The following PLCL1 variants were observed in gnomAD, a reference collection of about 807,000 sequenced individuals.
PLCL1 encodes phospholipase C like 1 (inactive), also known as inactive phospholipase C-like protein 1.
In PLCL1, 41 loss-of-function variants were observed where a neutral mutation model predicts 84.4. The ratio of observed to expected loss-of-function variants is 0.49; its 90% CI spans 0.38 to 0.63. PLCL1 has a LOEUF of 0.63. PLCL1 is among the 30% of genes least tolerant of loss of function. PLCL1 has a pLI of 0.00. For missense variants in PLCL1, 1,206 were observed against 1,367.8 expected (o/e 0.88, Z 1.87); for synonymous variants, 490 against 488.3 (o/e 1.00, Z -0.05).
At chr2:197,959,107 C>T (rs748935666) in intron 1 of PLCL1, among the ~76,000 whole-genome samples, 7 of 151,948 alleles carry the variant, frequency 4.6e-5, no homozygotes, top group Non-Finnish European at 7.4e-5. Flanking sequence ...TGACTTCAGC[C>T]AAATCACTTG....
intron 1 of PLCL1, among the ~76,000 whole-genome samples, chr2:197,974,720 G>A (rs1293143750): frequency 6.6e-6 from 1 of 152,232 alleles, no homozygotes; most frequent in Non-Finnish European, 1.5e-5. Flanking sequence ...GCTTTATTCT[G>A]TAATGGTATT....
At position 198,084,272 on chromosome 2, in the gene PLCL1, A is replaced by T. The variant is rs1352085192; in HGVS notation, c.755A>T (p.Asp252Val). 1 of 1,614,050 alleles carries T rather than the reference A, an allele frequency of 6.2e-7. No homozygotes were observed. The highest frequency in any genetic ancestry group is 8.5e-7 in the Non-Finnish European group (1 of 1,180,006). ...TTGAAAACAGTGTTTGAAGCAGCAG[A>T]TGTTGATGGGAATGGGATTATGTTG... ...MWLKTVFEAA[D>V]VDGNGIMLED... Residue 252 changes from aspartate to valine, a missense_variant, in exon 2 of 6, where the codon GAT (aspartate) becomes GTT (valine). Coordinates refer to ENST00000428675, the MANE Select transcript of PLCL1 (RefSeq NM_006226.4).
intron 5 of PLCL1, among the ~76,000 whole-genome samples, chr2:198,106,662 T>C (rs115874646): frequency 0.01 from 1,592 of 152,020 alleles, 23 homozygotes; most frequent in African/African-American, 0.036. Flanking sequence ...CCAAGACTAG[T>C]CTATAAGGAG....
chr2:197,814,770 C>T (rs1690655223), intron 1 of PLCL1, among the ~76,000 whole-genome samples: 1 of 152,124 alleles, frequency 6.6e-6, no homozygotes, highest in Admixed American at 6.6e-5. Context: ...AAAGCAAAAA[C>T]AGCCTTGTTG....
At chr2:197,908,875 T>C (rs1382885777) in intron 1 of PLCL1, among the ~76,000 whole-genome samples, 1 of 152,224 alleles carries the variant, frequency 6.6e-6, no homozygotes, top group Non-Finnish European at 1.5e-5. Context: ...TTTTGTTGAA[T>C]AAAATATTCT....
rs141025152 is a variant in PLCL1, at chr2:197,914,415, T to C, written c.240+109076T>C. 6.0e-3 allele frequency among the ~76,000 whole-genome samples: 915 copies of C among 152,040 alleles called. 7 individuals carry two copies. Among genetic ancestry groups the C allele is most frequent in the African/African-American group, 0.021 (857 of 41,434 alleles). ...CACAATCTCGGCTCACCTCAACCTC[T>C]GCCTCTTGGGTTCAAGTGATTCTCC... On this transcript the variant is annotated intron_variant, in intron 1 of 5. Coordinates refer to ENST00000428675, the MANE Select transcript of PLCL1 (RefSeq NM_006226.4).
intron 1 of PLCL1, among the ~76,000 whole-genome samples, chr2:197,901,252 T>G (rs1417238097): frequency 6.6e-6 from 1 of 152,200 alleles, no homozygotes; most frequent in East Asian, 1.9e-4. Flanking sequence ...GAGTGCTTAT[T>G]TTGTGTAAGA....
At chr2:197,938,176 A>C (rs1689085956) in intron 1 of PLCL1, among the ~76,000 whole-genome samples, 1 of 152,126 alleles carries the variant, frequency 6.6e-6, no homozygotes, top group Admixed American at 6.5e-5. Context: ...GGACCTTGGG[A>C]GCCATCTTTG....
At chr2:198,021,433 G>A (rs779748397) in intron 1 of PLCL1, among the ~76,000 whole-genome samples, 1 of 151,850 alleles carries the variant, frequency 6.6e-6, no homozygotes, top group Non-Finnish European at 1.5e-5. Context: ...CACAAAAAAC[G>A]CTTCAAAAAA....
intron 1 of PLCL1, among the ~76,000 whole-genome samples, chr2:197,916,033 C>T (rs1373691202): frequency 6.6e-6 from 1 of 152,194 alleles, no homozygotes; most frequent in African/African-American, 2.4e-5. Flanking sequence ...AGTGCTGCAA[C>T]TTGGAGATGT....
chr2:198,044,860 CTT>C (rs1332626542), intron 1 of PLCL1, among the ~76,000 whole-genome samples: 1 of 152,108 alleles, frequency 6.6e-6, no homozygotes, highest in Non-Finnish European at 1.5e-5. Context: ...GGTCAATTGA[CTT>C]TTAATTCTGG....
chr2:197,887,215 A>G (rs1201951528), intron 1 of PLCL1, among the ~76,000 whole-genome samples: 1 of 152,112 alleles, frequency 6.6e-6, no homozygotes, highest in Non-Finnish European at 1.5e-5. Flanking sequence ...AAACTACAAT[A>G]TATTCTGCTT....
At chr2:198,094,262 C>T (rs898752074) in intron 3 of PLCL1, among the ~76,000 whole-genome samples, 4 of 152,088 alleles carry the variant, frequency 2.6e-5, no homozygotes, top group Non-Finnish European at 5.9e-5. Flanking sequence ...AGGGTTTCAC[C>T]ATGTTAGCCA....
chr2:197,856,512 C>T (rs191845380), intron 1 of PLCL1, among the ~76,000 whole-genome samples: 9 of 152,126 alleles, frequency 5.9e-5, no homozygotes, highest in African/African-American at 1.9e-4. Context: ...TTATCTTTAA[C>T]AGAATGTTAT....
At chr2:198,039,709 T>C (rs772280571) in intron 1 of PLCL1, among the ~76,000 whole-genome samples, 1 of 152,218 alleles carries the variant, frequency 6.6e-6, no homozygotes, top group Non-Finnish European at 1.5e-5. Flanking sequence ...TTGTCAGAGC[T>C]TTTATTACAT....
At chr2:198,090,474 T>G (rs184853905) in intron 3 of PLCL1, among the ~76,000 whole-genome samples, 75 of 152,296 alleles carry the variant, frequency 4.9e-4, no homozygotes, top group Non-Finnish European at 9.0e-4. Flanking sequence ...GAAGAAAAGA[T>G]GAAGATTTTG....
At chr2:197,958,320 C>A (rs546460854) in intron 1 of PLCL1, among the ~76,000 whole-genome samples, 1 of 151,634 alleles carries the variant, frequency 6.6e-6, no homozygotes, top group Non-Finnish European at 1.5e-5. Flanking sequence ...TTGTCTTGGA[C>A]CACACATAAA....
intron 1 of PLCL1, among the ~76,000 whole-genome samples, chr2:197,994,153 G>A (rs938560051): frequency 2.0e-5 from 3 of 152,088 alleles, no homozygotes; most frequent in African/African-American, 4.8e-5. Flanking sequence ...TTCTTCTTGC[G>A]GGGAAGATGA....
At chr2:198,003,266 G>A (rs1299662215) in intron 1 of PLCL1, among the ~76,000 whole-genome samples, 1 of 152,092 alleles carries the variant, frequency 6.6e-6, no homozygotes, top group Non-Finnish European at 1.5e-5. Context: ...AAAACAAGGG[G>A]CACTTCTTGC....
Sources: allele counts gnomAD v4.1 joint callset (sites outside exome capture counted in the v4.1 genomes callset), GRCh38; gene constraint gnomAD v4.1.1; transcripts MANE v1.5; gene names NCBI Gene and HGNC (gene_info 2026-07-23, HGNC 2026-07-21).